GRAMD1B: variants seen among roughly 807,000 people sequenced by gnomAD.
GRAMD1B encodes the protein protein Aster-B.
In GRAMD1B, 37 loss-of-function variants were observed where a neutral mutation model predicts 99.7. That is an observed-to-expected ratio of 0.37 (90% CI 0.29 to 0.49). The LOEUF is 0.49. GRAMD1B is among the 20% of genes least tolerant of loss of function. The pLI is 0.98. For missense variants in GRAMD1B, 888 were observed against 1,009.2 expected, an observed-to-expected ratio of 0.88 and a Z score of 1.63; for synonymous variants, 427 against 387.6, an observed-to-expected ratio of 1.10 and a Z score of -1.19.
intron 1 of GRAMD1B, among the ~76,000 whole-genome samples, chr11:123,396,702 T>A (rs1947477171): frequency 6.6e-6 from 1 of 152,228 alleles, no homozygotes; most frequent in African/African-American, 2.4e-5. Context: ...CTCAGGGATT[T>A]TACTTTGTGG....
chr11:123,360,271 C>T (rs550825886), intron 1 of GRAMD1B, among the ~76,000 whole-genome samples: 73 of 152,288 alleles, frequency 4.8e-4, no homozygotes, highest in Non-Finnish European at 7.8e-4. Context: ...TTGTTCCTTA[C>T]TTGAAGATCA....
chr11:123,419,913 G>A (rs1196289716), intron 1 of GRAMD1B, among the ~76,000 whole-genome samples: 1 of 152,096 alleles, frequency 6.6e-6, no homozygotes, highest in Admixed American at 6.6e-5. Flanking sequence ...GGTGGGAATG[G>A]AACCCAGTGT....
At position 123,431,181 on chromosome 11, in the gene GRAMD1B, CG is replaced by C; in HGVS notation, c.374+16del. 1.4e-6 allele frequency: 1 copy of C among 690,146 alleles called. No homozygotes were observed. Among genetic ancestry groups the C allele is most frequent in the Non-Finnish European group, 2.6e-6 (1 of 377,448 alleles). The allele number at this position is 690,146 out of a possible 1,614,324, so 42.8% of individuals were successfully genotyped here. On this transcript the variant is annotated intron_variant, in intron 1 of 19. Transcript: ENST00000635736. ...AGTGAAAGCAGGTACGTCCCCGTTC[CG>C]CCCGTCTCCTTCCCTTCCCTCCCGT...
chr11:123,609,175 C>G (rs188077731), intron 12 of GRAMD1B, among the ~76,000 whole-genome samples: 1 of 152,318 alleles, frequency 6.6e-6, no homozygotes, highest in Admixed American at 6.5e-5. Flanking sequence ...TCAGACCTCA[C>G]AGCTACCCTG....
In GRAMD1B at chr11:123,622,764, C is replaced by T. The variant is rs1379447741; in HGVS notation, c.*169C>T. The T allele has an allele frequency of 3.0e-5, 6 of 198,016 alleles. No homozygotes were observed. Among genetic ancestry groups the T allele is most frequent in the East Asian group, 1.2e-4 (1 of 8,086 alleles). The allele number at this position is 198,016 out of a possible 1,614,324, so 12.3% of individuals were successfully genotyped here. A position where few individuals can be genotyped will look rare whatever the true frequency, so the allele number is the denominator to read the frequency against. On this transcript the variant is annotated 3_prime_UTR_variant, in exon 20 of 20. Transcript: ENST00000635736. Reference sequence around the variant, plus strand: ...ACCAGGGAGAAGGAGCGGGCCCTCCCGCGCCCTGTGCTGGCCGGAGCAGCG... The same window carrying T: ...ACCAGGGAGAAGGAGCGGGCCCTCCTGCGCCCTGTGCTGGCCGGAGCAGCG...
At chr11:123,363,844 T>C (rs1166950770) in intron 1 of GRAMD1B, among the ~76,000 whole-genome samples, 1 of 152,246 alleles carries the variant, frequency 6.6e-6, no homozygotes, top group African/African-American at 2.4e-5. Context: ...AAGCAGATGA[T>C]ATTTTATTGG....
intron 4 of GRAMD1B, among the ~76,000 whole-genome samples, chr11:123,586,012 TTCTCCCGGCTAGGTTTCCC>T (rs1261815053): frequency 1.3e-5 from 2 of 152,314 alleles, no homozygotes; most frequent in East Asian, 3.9e-4. Flanking sequence ...CTGATTTCCA[TTCTCCCGGCTAGGTTTCCC>T]TCTCTGTCTG....
intron 12 of GRAMD1B, among the ~76,000 whole-genome samples, chr11:123,609,336 A>G (rs1953208449): frequency 6.6e-6 from 1 of 151,776 alleles, no homozygotes; most frequent in Admixed American, 6.6e-5. Flanking sequence ...CCTTCCCCCA[A>G]ACTCTTCCCA....
chr11:123,548,315 T>TACACACAC (rs1468638521), intron 2 of GRAMD1B, among the ~76,000 whole-genome samples: 60 of 91,114 alleles, frequency 6.6e-4, no homozygotes, highest in East Asian at 6.6e-3. Flanking sequence ...TATATATATA[T>TACACACAC]ATATATATAT....
chr11:123,372,712 T>C (rs1383606262), intron 1 of GRAMD1B, among the ~76,000 whole-genome samples: 1 of 152,224 alleles, frequency 6.6e-6, no homozygotes, highest in Non-Finnish European at 1.5e-5. Flanking sequence ...GGTGAAATAA[T>C]TCGAGCAGGT....
chr11:123,566,488 C>T (rs999617765), intron 2 of GRAMD1B, among the ~76,000 whole-genome samples: 10 of 152,020 alleles, frequency 6.6e-5, no homozygotes, highest in South Asian at 2.1e-4. Flanking sequence ...ACTTTTTGGC[C>T]GAGCGCGGTG....
chr11:123,455,239 T>A (rs1427469193), intron 1 of GRAMD1B, among the ~76,000 whole-genome samples: 1 of 152,216 alleles, frequency 6.6e-6, no homozygotes, highest in African/African-American at 2.4e-5. Flanking sequence ...AGAGATTCCT[T>A]AGGATGAACT....
intron 11 of GRAMD1B, 50 bp downstream of exon 11, chr11:123,606,848 C>G: frequency 7.0e-7 from 1 of 1,431,404 alleles, no homozygotes; most frequent in Non-Finnish European, 9.8e-7. Context: ...GTTTTGAAGG[C>G]TAAAAGGAGA....
chr11:123,512,430 C>T (rs1463964105), intron 2 of GRAMD1B, among the ~76,000 whole-genome samples: 1 of 152,174 alleles, frequency 6.6e-6, no homozygotes, highest in Non-Finnish European at 1.5e-5. Context: ...TTTCTATTTG[C>T]ATATGGAGGC....
rs1387920256 is a variant in GRAMD1B, at chr11:123,610,272, A to G, written c.1853A>G (p.His618Arg). ...GTCCTCACCCACGACGTGCCCTACC[A>G]TGACTACTTCTACACAATCAATCGC... ...AEVLTHDVPY[H>R]DYFYTINRYT... Residue 618 changes from histidine to arginine, a missense_variant, in exon 14 of 20, where the codon CAT becomes CGT. His to Arg is a conservative substitution (Grantham distance 29). Transcript: ENST00000635736. This position sits in a 1 kb window ranked among gnomAD's most constrained non-coding sequence, Gnocchi z 4.1. 6.2e-7 allele frequency: 1 copy of G among 1,613,688 alleles called. No homozygotes were observed.
intron 1 of GRAMD1B, among the ~76,000 whole-genome samples, chr11:123,477,975 T>G (rs1951387692): frequency 6.6e-6 from 1 of 151,950 alleles, no homozygotes; most frequent in Non-Finnish European, 1.5e-5. Context: ...TTTTTTTTAG[T>G]AGAGATGAGG....
chr11:123,614,879 C>A, intron 17 of GRAMD1B, 44 bp downstream of exon 17: 1 of 1,144,796 alleles, frequency 8.7e-7, no homozygotes. Flanking sequence ...ACCACCTTCC[C>A]TTTCCAGCCT....
At chr11:123,528,942 T>TG (rs1943075921) in intron 2 of GRAMD1B, among the ~76,000 whole-genome samples, 1 of 152,198 alleles carries the variant, frequency 6.6e-6, no homozygotes. Flanking sequence ...GGGGACTAAC[T>TG]ACCACGCAAC....
intron 2 of GRAMD1B, among the ~76,000 whole-genome samples, chr11:123,531,340 C>T (rs1943348397): frequency 1.3e-5 from 2 of 152,180 alleles, no homozygotes; most frequent in Non-Finnish European, 2.9e-5. Context: ...CGTTTCTCAC[C>T]TCTCATTCAC....
Sources: gnomAD v4.1 joint callset for allele counts (sites outside exome capture counted in the v4.1 genomes callset) on GRCh38, gnomAD v4.1.1 for gene constraint, Gnocchi (gnomAD v3.1) non-coding constraint, MANE v1.5 for transcripts, NCBI Gene and HGNC (gene_info 2026-07-23, HGNC 2026-07-21) for gene names.